The following FRMPD3 variants were observed in gnomAD, a reference collection of about 807,000 sequenced individuals.
FRMPD3 encodes the protein FERM and PDZ domain containing 3.
FRMPD3 carries 42 observed loss-of-function variants against 97.9 expected under a neutral mutation model. That is an observed-to-expected ratio of 0.43 (90% CI 0.34 to 0.55). The LOEUF (loss-of-function observed/expected upper bound fraction) is 0.55. Among genes scored for constraint, FRMPD3 ranks in the 20% least tolerant of loss-of-function variants. FRMPD3 has a pLI of 0.03. For synonymous variants in FRMPD3, 577 were observed against 581.1 expected, an observed-to-expected ratio of 0.99 and a Z score of 0.10; for missense variants, 1,303 against 1,457.7, an observed-to-expected ratio of 0.89 and a Z score of 1.73.
intron 14 of FRMPD3, among the ~76,000 whole-genome samples, chrX:107,599,370 G>A (rs1924379107): frequency 8.9e-6 from 1 of 111,928 alleles, no homozygotes. Flanking sequence ...GTCAGAGAGA[G>A]CCTGCCTTTT....
At position 107,601,668 on chromosome X, in the gene FRMPD3, C is replaced by T. The variant is rs1924517773; in HGVS notation, c.3629C>T (p.Ser1210Phe). ...TSEGPAKPKS[S>F]RGPFRLRNLF... ...GAAGGCCCTGCCAAACCCAAGTCAT[C>T]CCGAGGTCCTTTCCGGCTACGCAAT... The change falls in exon 15 of 15, where the codon TCC (serine) becomes TTC (phenylalanine). Residue 1210 changes from serine to phenylalanine, a missense_variant. Physicochemically the swap from Ser to Phe is radical, Grantham distance 155. Around this residue, in one of 3 missense-constraint regions of FRMPD3, gnomAD observed 764 missense variants for 820.2 expected, o/e 0.93. Coordinates refer to ENST00000683843, the MANE Select transcript of FRMPD3 (RefSeq NM_001388459.1). The T allele has an allele frequency of 3.3e-6, 4 of 1,209,757 alleles. No individual in the cohort carries two copies. Among genetic ancestry groups the T allele is most frequent in the Non-Finnish European group, 4.5e-6 (4 of 895,269 alleles).
chrX:107,487,976 C>T (rs1250762636), intron 1 of FRMPD3, among the ~76,000 whole-genome samples: 1 of 111,489 alleles, frequency 9.0e-6, no homozygotes, highest in Non-Finnish European at 1.9e-5. Flanking sequence ...CTGAAGAAGT[C>T]CCTTGGTCAT....
At position 107,563,181 on chromosome X, in the gene FRMPD3, T is replaced by A; in HGVS notation, c.1097T>A (p.Leu366Ter). The A allele has an allele frequency of 8.3e-7, 1 of 1,207,952 alleles. No homozygotes were observed. The highest frequency in any genetic ancestry group is 1.1e-6 in the Non-Finnish European group (1 of 892,990). Reference protein sequence around the residue: ...LNELPTFTGVLFNTVGLDEKQ... With the variant: ...LNELPTFTGV Reference sequence around the variant, plus strand: ...GAACTTCCTACCTTCACGGGCGTTTTGTTCAACACTGTAGGCCTGGTCAGT... The same window carrying A: ...GAACTTCCTACCTTCACGGGCGTTTAGTTCAACACTGTAGGCCTGGTCAGT... Residue 366 changes from leucine to a stop codon, truncating the protein, a stop_gained, in exon 11 of 15, where the codon TTG (leucine) becomes TAG (stop). Coordinates refer to ENST00000683843, the MANE Select transcript of FRMPD3 (RefSeq NM_001388459.1). LOFTEE classifies it high-confidence loss of function.
In FRMPD3 at chrX:107,560,378, C is replaced by T. The variant is rs371546452; in HGVS notation, c.884C>T (p.Ser295Leu). The T allele has an allele frequency of 5.5e-5, 66 of 1,206,611 alleles. No individual in the cohort carries two copies. In the African/African-American group the frequency reaches 9.0e-4, roughly 16 times the overall value. The change falls in exon 9 of 15, where the codon TCG becomes TTG. Residue 295 changes from serine to leucine, a missense_variant. Ser to Leu is a moderately radical substitution (Grantham distance 145). Around this residue, in one of 3 missense-constraint regions of FRMPD3, gnomAD observed 535 missense variants for 618.6 expected, o/e 0.86. Transcript: ENST00000683843. ...VSATRPSQKI[S>L]LKNVEKEWGL... The stretch of plus-strand genomic sequence containing the variant: ...GCCACTCGACCTAGTCAGAAGATCT[C>T]GCTCAAGAATGTGGAGTGAGTTGTG...
intron 1 of FRMPD3, among the ~76,000 whole-genome samples, chrX:107,459,949 A>G (rs1291732232): frequency 9.1e-6 from 1 of 109,855 alleles, no homozygotes; most frequent in East Asian, 2.9e-4. Flanking sequence ...TAGTCTGTCA[A>G]TCAGCGGCCT....
rs916777639 is a variant in FRMPD3, at chrX:107,603,187, CCAGCAGCAGCAGCAACAACAA to C, written c.5181_5201del (p.Gln1737_Gln1743del). Reference sequence around the variant, plus strand: ...AGGAGTCCACAGCCCGTAACCTTAACCAGCAGCAGCAGCAACAACAACAGCAGCAGCAGCAACAACAACAGC... The same window carrying C: ...AGGAGTCCACAGCCCGTAACCTTAACCAGCAGCAGCAGCAACAACAACAGC... On this transcript the variant is annotated inframe_deletion, in exon 15 of 15. Coordinates refer to ENST00000683843, the MANE Select transcript of FRMPD3 (RefSeq NM_001388459.1). 1.7e-5 allele frequency: 18 copies of C among 1,031,992 alleles called. No individual in the cohort carries two copies. The highest frequency in any genetic ancestry group is 1.3e-4 in the South Asian group (5 of 38,244). The allele number at this position is 1,031,992 out of a possible 1,213,427, so 85.0% of individuals were successfully genotyped here.
intron 1 of FRMPD3, among the ~76,000 whole-genome samples, chrX:107,516,158 C>G (rs1295935404): frequency 2.8e-5 from 3 of 108,207 alleles, no homozygotes; most frequent in Admixed American, 9.9e-5. Flanking sequence ...AGTTTGCTGA[C>G]AATGATGGTT....
chrX:107,534,229 T>A (rs993599763), intron 4 of FRMPD3, among the ~76,000 whole-genome samples: 1 of 112,116 alleles, frequency 8.9e-6, no homozygotes, highest in Non-Finnish European at 1.9e-5. Flanking sequence ...AAGTTCAGTG[T>A]CCATTATTAG....
intron 1 of FRMPD3, 83 bp from the exon 2 acceptor site, chrX:107,526,498 AC>A: frequency 2.1e-6 from 2 of 934,631 alleles, no homozygotes; most frequent in Non-Finnish European, 2.9e-6. Context: ...CAGGGCCAGA[AC>A]CCTAACTGGC....
Position 107,573,165 on chromosome X carries a change from G to A in FRMPD3, c.1297-3150G>A, listed in dbSNP as rs778034433. Among the ~76,000 whole-genome samples the A allele has an allele frequency of 9.0e-5, 10 of 111,719 alleles. No homozygotes were observed. In the South Asian group the frequency reaches 3.4e-3, roughly 38 times the overall value. Reference sequence around the variant, plus strand: ...CCAAAGGCAATAGGACTGAGAAGCCGAGAGGCTCAGTATCTCAGCACACAG... The same window carrying A: ...CCAAAGGCAATAGGACTGAGAAGCCAAGAGGCTCAGTATCTCAGCACACAG... On this transcript the variant is annotated intron_variant, in intron 12 of 14. Transcript: ENST00000683843.
At chrX:107,474,472 A>T (rs776078025) in intron 1 of FRMPD3, among the ~76,000 whole-genome samples, 3 of 111,060 alleles carry the variant, frequency 2.7e-5, no homozygotes, top group Admixed American at 9.6e-5. Flanking sequence ...AGTTTGAGAG[A>T]TATGAAGGAA....
At chrX:107,591,164 T>TC (rs759049079) in intron 13 of FRMPD3, among the ~76,000 whole-genome samples, 11 of 109,420 alleles carry the variant, frequency 1.0e-4, no homozygotes, top group Non-Finnish European at 1.9e-4. Flanking sequence ...TTTCTTTCTT[T>TC]TTTTTTTTTT....
At chrX:107,490,112 T>C (rs1264420962) in intron 1 of FRMPD3, among the ~76,000 whole-genome samples, 1 of 112,345 alleles carries the variant, frequency 8.9e-6, no homozygotes, top group Admixed American at 9.4e-5. Flanking sequence ...CCCCATTTCT[T>C]GTTTTTGTCA....
intron 6 of FRMPD3, among the ~76,000 whole-genome samples, chrX:107,550,391 C>T (rs1797909538): frequency 8.9e-6 from 1 of 112,171 alleles, no homozygotes; most frequent in South Asian, 3.7e-4. Context: ...TGTGTGTGCA[C>T]TTATACTTGT....
rs1310283932 is a variant in FRMPD3, at chrX:107,550,076, C to T, written c.430C>T (p.Leu144Phe). The T allele has an allele frequency of 8.3e-7, 1 of 1,201,377 alleles. No individual in the cohort carries two copies. Among genetic ancestry groups the T allele is most frequent in the Non-Finnish European group, 1.1e-6 (1 of 887,935 alleles). Residue 144 changes from leucine (L) to phenylalanine (F), a missense_variant, in exon 6 of 15, where the codon CTC (leucine) becomes TTC (phenylalanine). By Grantham distance (22) the Leu-to-Phe change is conservative (BLOSUM62 0). Coordinates refer to ENST00000683843, the MANE Select transcript of FRMPD3 (RefSeq NM_001388459.1). The part of the protein sequence containing the change: ...AKMMKKEALL[L>F]IPNVLKVFLE... Reference sequence around the variant, plus strand: ...AATGATGAAGAAGGAAGCTCTCCTCCTCATCCCTAATGTCCTGAAGGTTTT... The same window carrying T: ...AATGATGAAGAAGGAAGCTCTCCTCTTCATCCCTAATGTCCTGAAGGTTTT...
chrX:107,573,002 G>T (rs1922962893), intron 12 of FRMPD3, among the ~76,000 whole-genome samples: 1 of 111,215 alleles, frequency 9.0e-6, no homozygotes, highest in African/African-American at 3.3e-5. Context: ...GAGGGAGAAA[G>T]GCCAGTCAAG....
chrX:107,518,345 T>C (rs999853918), intron 1 of FRMPD3, among the ~76,000 whole-genome samples: 4 of 111,537 alleles, frequency 3.6e-5, no homozygotes, highest in African/African-American at 1.3e-4. Context: ...ACTGGAAGAA[T>C]GGATGGTGTC....
At chrX:107,506,812 G>T (rs778571926) in intron 1 of FRMPD3, among the ~76,000 whole-genome samples, 5 of 111,698 alleles carry the variant, frequency 4.5e-5, no homozygotes, top group African/African-American at 1.6e-4. Flanking sequence ...TGAGCCAGTC[G>T]CCTCCTTCTT....
intron 1 of FRMPD3, among the ~76,000 whole-genome samples, chrX:107,451,773 G>T (rs1348091455): frequency 8.9e-6 from 1 of 112,214 alleles, no homozygotes; most frequent in Non-Finnish European, 1.9e-5. Flanking sequence ...GTTAAATAAG[G>T]CATAATGTAT....
Sources: gnomAD v4.1 joint callset for allele counts (sites outside exome capture counted in the v4.1 genomes callset) on GRCh38, gnomAD v4.1.1 for gene constraint, gnomAD v4.1.1 regional missense constraint, MANE v1.5 for transcripts, NCBI Gene and HGNC (gene_info 2026-07-23, HGNC 2026-07-21) for gene names.